Variants in FREM1 observed in about 807,000 individuals in gnomAD.
The protein encoded by FREM1 is FRAS1 related extracellular matrix 1.
Under a neutral mutation model 210.1 loss-of-function variants are expected in FREM1, and 220 were observed. The observed-to-expected ratio is 1.05, with a 90% confidence interval of 0.94 to 1.17. The LOEUF (loss-of-function observed/expected upper bound fraction) is 1.17, where lower values mean the gene tolerates loss of function less well. Among genes scored for constraint, FREM1 ranks in the 50% most tolerant of loss-of-function variants. FREM1 has a pLI of 0.00. For missense variants in FREM1, 3,454 were observed against 2,675.5 expected (o/e 1.29, Z -6.42); for synonymous variants, 1,189 against 980.2 (o/e 1.21, Z -3.98).
In FREM1 at chr9:14,859,432, G is replaced by C. The variant is rs886043843; in HGVS notation, c.382C>G (p.Leu128Val). Residue 128 changes from leucine to valine, a missense_variant, in exon 4 of 37, where the codon CTG (leucine) becomes GTG (valine). Physicochemically the swap from Leu to Val is conservative, Grantham distance 32. Coordinates refer to ENST00000380880, the MANE Select transcript of FREM1 (RefSeq NM_001379081.2). ...TGGATGATGTTACAGTCTGGTTCCA[G>C]GAGATAGACCCACAGGATAAAAGTT... ...IETFILWVYL[L>V]EPDCNIIHMS... 11 of 1,613,910 alleles carry C rather than the reference G, an allele frequency of 6.8e-6. No homozygotes were observed. In the East Asian group the frequency reaches 2.2e-4, roughly 33 times the overall value.
intron 1 of FREM1, among the ~76,000 whole-genome samples, chr9:14,879,173 A>AAAG (rs57938698): frequency 6.0e-5 from 9 of 150,348 alleles, no homozygotes; most frequent in African/African-American, 2.0e-4. Flanking sequence ...AAAAAAAAAA[A>AAAG]GAACTGGCAT....
intron 2 of FREM1, among the ~76,000 whole-genome samples, chr9:14,866,458 G>C (rs527319555): frequency 1.3e-5 from 2 of 152,146 alleles, no homozygotes; most frequent in Non-Finnish European, 2.9e-5. Context: ...TTGAGGTAGG[G>C]AGAGGAGAGC....
At chr9:14,857,134 G>C (rs1828908642) in intron 5 of FREM1, among the ~76,000 whole-genome samples, 1 of 152,134 alleles carries the variant, frequency 6.6e-6, no homozygotes, top group African/African-American at 2.4e-5. Context: ...CCATGGGACT[G>C]AGATTCTCCT....
intron 1 of FREM1, among the ~76,000 whole-genome samples, chr9:14,886,830 G>A (rs933662800): frequency 4.0e-5 from 6 of 148,568 alleles, no homozygotes; most frequent in South Asian, 4.2e-4. Context: ...CCTGGAGATC[G>A]AGGTTGCACA....
At chr9:14,758,639 C>T (rs1201199138) in intron 28 of FREM1, among the ~76,000 whole-genome samples, 1 of 143,084 alleles carries the variant, frequency 7.0e-6, no homozygotes, top group Admixed American at 7.3e-5. Context: ...GCCTTTTCCC[C>T]AGAAGCTAAT....
Position 14,824,108 on chromosome 9 carries a change from C to T in FREM1, c.2086G>A (p.Asp696Asn), listed in dbSNP as rs747985535. ...TCCACCATAAATAATTTCCCAGCAT[C>T]CAAGTGTCTAAAGAGAAATACAGAG... is the stretch of plus-strand genomic sequence containing the variant. ...PFFSFSHRHLDAGKLFMVDSI... is the reference protein window; with the variant it reads ...PFFSFSHRHLNAGKLFMVDSI... The change falls in exon 12 of 37, where the codon GAT becomes AAT. Residue 696 changes from aspartate to asparagine, a missense_variant. Coordinates refer to ENST00000380880, the MANE Select transcript of FREM1 (RefSeq NM_001379081.2). 1 of 1,573,076 alleles carries T rather than the reference C, an allele frequency of 6.4e-7. No individual in the cohort carries two copies. Among genetic ancestry groups the T allele is most frequent in the East Asian group, 2.3e-5 (1 of 43,578 alleles).
chr9:14,904,944 C>T (rs1307820945), intron 1 of FREM1, among the ~76,000 whole-genome samples: 2 of 152,182 alleles, frequency 1.3e-5, no homozygotes, highest in African/African-American at 4.8e-5. Flanking sequence ...TTCCCCACTG[C>T]CATCAACCAC....
intron 35 of FREM1, among the ~76,000 whole-genome samples, chr9:14,745,025 C>T (rs960280614): frequency 2.0e-5 from 3 of 152,066 alleles, no homozygotes; most frequent in Non-Finnish European, 4.4e-5. Context: ...GAACAGAAAA[C>T]CAAATGCTGC....
chr9:14,759,678 T>G, intron 28 of FREM1, 94 bp downstream of exon 28: 3 of 1,217,970 alleles, frequency 2.5e-6, no homozygotes, highest in Non-Finnish European at 3.4e-6. Flanking sequence ...GAAATTTCCT[T>G]GGTCACTCTG....
At chr9:14,781,735 C>A (rs1849671087) in intron 24 of FREM1, among the ~76,000 whole-genome samples, 1 of 152,128 alleles carries the variant, frequency 6.6e-6, no homozygotes, top group East Asian at 1.9e-4. Context: ...TGGAGTTTCG[C>A]TCTTGTTGCC....
rs1006123255 is a variant in FREM1 at position 14,860,419 on chromosome 9, G to A, written c.330-935C>T. ...CCTGCATTTCATGTATACTCTTCCA[G>A]CCTCCCAGCAGCCTAGAAACCCAAG... On this transcript the variant is annotated intron_variant, in intron 3 of 36. Transcript: ENST00000380880. 5.3e-5 allele frequency among the ~76,000 whole-genome samples: 8 copies of A among 151,842 alleles called. No homozygotes were observed. In the East Asian group the frequency reaches 1.4e-3, roughly 26 times the overall value.
In FREM1 at chr9:14,886,031, C is replaced by G. The variant is rs147371793; in HGVS notation, c.-267-16787G>C. Among the ~76,000 whole-genome samples the G allele has an allele frequency of 6.4e-3, 982 of 152,272 alleles. 13 individuals carry two copies. Among genetic ancestry groups the G allele is most frequent in the African/African-American group, 0.022 (934 of 41,550 alleles). On this transcript the variant is annotated intron_variant, in intron 1 of 36. Coordinates refer to ENST00000380880, the MANE Select transcript of FREM1 (RefSeq NM_001379081.2). ...CAGCCCCTGGTAACCACCTTCTACT[C>G]TCTACTTCTATGAGAACAACTTTTT...
chr9:14,904,776 C>A (rs910681104), intron 1 of FREM1, among the ~76,000 whole-genome samples: 1 of 152,148 alleles, frequency 6.6e-6, no homozygotes, highest in Non-Finnish European at 1.5e-5. Context: ...CTGTCCCCTG[C>A]ACACCTCTCC....
chr9:14,874,156 T>G (rs1435480943), intron 1 of FREM1, among the ~76,000 whole-genome samples: 1 of 152,160 alleles, frequency 6.6e-6, no homozygotes, highest in Non-Finnish European at 1.5e-5. Context: ...TGATTTGGGG[T>G]GGAGGGTTCT....
chr9:14,839,297 T>G (rs1825202217), intron 10 of FREM1, among the ~76,000 whole-genome samples: 1 of 152,138 alleles, frequency 6.6e-6, no homozygotes, highest in Admixed American at 6.6e-5. Flanking sequence ...CTTCAGAGAT[T>G]CCAGCTAGTT....
At chr9:14,885,117 G>A (rs1835568689) in intron 1 of FREM1, among the ~76,000 whole-genome samples, 1 of 150,888 alleles carries the variant, frequency 6.6e-6, no homozygotes, top group African/African-American at 2.4e-5. Context: ...CTAGAGATGG[G>A]GTTTCACCGT....
chr9:14,793,598 T>C (rs1851799140), intron 21 of FREM1, among the ~76,000 whole-genome samples: 1 of 152,222 alleles, frequency 6.6e-6, no homozygotes, highest in South Asian at 2.1e-4. Flanking sequence ...CCATTGTCCC[T>C]GGTCTCGCCA....
intron 29 of FREM1, 88 bp downstream of exon 29, chr9:14,756,286 A>G: frequency 1.0e-6 from 1 of 968,876 alleles, no homozygotes; most frequent in African/African-American, 1.7e-5. Flanking sequence ...GTTGTGTAAC[A>G]TTCTATCTTC....
intron 2 of FREM1, among the ~76,000 whole-genome samples, chr9:14,865,393 C>A (rs1158671310): frequency 1.3e-5 from 2 of 152,186 alleles, no homozygotes; most frequent in African/African-American, 4.8e-5. Flanking sequence ...AGAGGGTTAT[C>A]TGAACAGAAG....
Sources: gnomAD v4.1 joint callset for allele counts (sites outside exome capture counted in the v4.1 genomes callset) on GRCh38, gnomAD v4.1.1 for gene constraint, MANE v1.5 for transcripts, NCBI Gene and HGNC (gene_info 2026-07-23, HGNC 2026-07-21) for gene names.